PTPRD: variants seen among roughly 807,000 people sequenced by gnomAD.
PTPRD encodes the protein receptor-type tyrosine-protein phosphatase delta.
A neutral mutation model predicts 214.5 loss-of-function variants in PTPRD; 34 were observed. The observed-to-expected ratio is 0.16, with a 90% CI of 0.12 to 0.21. The LOEUF is 0.21. PTPRD is among the 10% of genes least tolerant of loss of function. PTPRD has a pLI of 1.00. For synonymous variants in PTPRD, 1,128 were observed against 845.7 expected, an observed-to-expected ratio of 1.33 and a Z score of -5.79; for missense variants, 2,545 against 2,398.7, an observed-to-expected ratio of 1.06 and a Z score of -1.27.
At chr9:9,305,653 T>A (rs1956898345) in intron 9 of PTPRD, among the ~76,000 whole-genome samples, 1 of 152,128 alleles carries the variant, frequency 6.6e-6, no homozygotes, top group African/African-American at 2.4e-5. Flanking sequence ...GGAGATGTAA[T>A]AAACTTAAAA....
intron 21 of PTPRD, among the ~76,000 whole-genome samples, chr9:8,513,293 TC>T (rs2097717963): frequency 6.6e-6 from 1 of 152,036 alleles, no homozygotes; most frequent in South Asian, 2.1e-4. Flanking sequence ...CAGATCATAT[TC>T]TCATTTTCTG....
chr9:8,867,604 G>A (rs953095627), intron 11 of PTPRD, among the ~76,000 whole-genome samples: 4 of 152,248 alleles, frequency 2.6e-5, no homozygotes, highest in Admixed American at 6.5e-5. Flanking sequence ...GTTCTAAGAC[G>A]ATGGATATCA....
chr9:10,456,186 A>G (rs1275812364), intron 2 of PTPRD, among the ~76,000 whole-genome samples: 1 of 151,932 alleles, frequency 6.6e-6, no homozygotes, highest in East Asian at 1.9e-4. Flanking sequence ...GCAGCAGGAG[A>G]AATAGGAACC....
chr9:9,435,905 C>G (rs1335903738), intron 8 of PTPRD, among the ~76,000 whole-genome samples: 1 of 152,096 alleles, frequency 6.6e-6, no homozygotes, highest in Non-Finnish European at 1.5e-5. Flanking sequence ...AATCAGATGT[C>G]TGGCACAAAA....
At chr9:10,600,097 T>C (rs1180251816) in intron 2 of PTPRD, among the ~76,000 whole-genome samples, 1 of 151,804 alleles carries the variant, frequency 6.6e-6, no homozygotes, top group Non-Finnish European at 1.5e-5. Context: ...TTACTTACTT[T>C]ATTTTACCAC....
At chr9:9,567,408 T>C (rs921014713) in intron 8 of PTPRD, among the ~76,000 whole-genome samples, 3 of 151,942 alleles carry the variant, frequency 2.0e-5, no homozygotes, top group African/African-American at 7.2e-5. Flanking sequence ...TGTACATTTT[T>C]ATACAGAAAT....
chr9:8,498,737 C>G (rs769267155), intron 25 of PTPRD, among the ~76,000 whole-genome samples: 10 of 152,172 alleles, frequency 6.6e-5, no homozygotes, highest in Non-Finnish European at 1.5e-4. Context: ...CATGACATCT[C>G]ATCACCATTT....
chr9:9,803,299 A>G (rs993690321), intron 5 of PTPRD, among the ~76,000 whole-genome samples: 1 of 151,794 alleles, frequency 6.6e-6, no homozygotes, highest in Non-Finnish European at 1.5e-5. Flanking sequence ...GATAATCCTC[A>G]TTGGTAGTAA....
At chr9:9,621,677 G>A (rs1485860738) in intron 7 of PTPRD, among the ~76,000 whole-genome samples, 1 of 152,122 alleles carries the variant, frequency 6.6e-6, no homozygotes, top group South Asian at 2.1e-4. Context: ...ACTATAAGGT[G>A]CAATCTGGTT....
At position 8,500,848 on chromosome 9, in the gene PTPRD, T is replaced by C. The variant is rs2097387708; in HGVS notation, c.2034A>G (p.Glu678=). 1 of 1,614,198 alleles carries C rather than the reference T, an allele frequency of 6.2e-7. No individual in the cohort carries two copies. The highest frequency in any genetic ancestry group is 8.5e-7 in the Non-Finnish European group (1 of 1,180,024). The stretch of plus-strand genomic sequence containing the variant: ...CAGTGATCCGGTATTCAGTCCATTT[T>C]TCCAGCTGTTCCAAAAGGTATTTGG... ...DTTKYLLEQL[E]KWTEYRITVT... Residue 678 remains glutamate (E), a synonymous_variant, in exon 24 of 46, where the codon GAA becomes GAG. Coordinates refer to ENST00000381196, the MANE Select transcript of PTPRD (RefSeq NM_002839.4).
intron 11 of PTPRD, among the ~76,000 whole-genome samples, chr9:8,754,838 A>C (rs1359674885): frequency 1.3e-5 from 2 of 152,238 alleles, no homozygotes; most frequent in Non-Finnish European, 2.9e-5. Flanking sequence ...ACAGCCCTGA[A>C]GCTATCCATT....
At chr9:10,584,669 T>C (rs2073309863) in intron 2 of PTPRD, among the ~76,000 whole-genome samples, 1 of 152,192 alleles carries the variant, frequency 6.6e-6, no homozygotes, top group Non-Finnish European at 1.5e-5. Flanking sequence ...TTTGTGTCAC[T>C]CAATTGAATA....
intron 7 of PTPRD, among the ~76,000 whole-genome samples, chr9:9,598,195 G>A (rs188901766): frequency 5.8e-4 from 88 of 152,106 alleles, no homozygotes; most frequent in Non-Finnish European, 7.8e-4. Context: ...GAGTAAAGGG[G>A]TTGCCAATGA....
intron 12 of PTPRD, among the ~76,000 whole-genome samples, chr9:8,727,397 T>C (rs557049480): frequency 6.6e-6 from 1 of 152,308 alleles, no homozygotes; most frequent in Admixed American, 6.5e-5. Context: ...CTGGAATACT[T>C]TCCTTGCTTC....
At chr9:9,299,919 A>G (rs1201344366) in intron 9 of PTPRD, among the ~76,000 whole-genome samples, 6 of 150,582 alleles carry the variant, frequency 4.0e-5, no homozygotes, top group Non-Finnish European at 8.9e-5. Flanking sequence ...TTTTTACTCT[A>G]CGTGACAGCT....
intron 5 of PTPRD, among the ~76,000 whole-genome samples, chr9:9,856,344 C>T (rs1413278122): frequency 1.3e-5 from 2 of 152,206 alleles, no homozygotes; most frequent in Non-Finnish European, 2.9e-5. Context: ...GATAGAAGTT[C>T]TCACTTTGAG....
chr9:9,829,778 T>C (rs1565585038), intron 5 of PTPRD, among the ~76,000 whole-genome samples: 1 of 151,886 alleles, frequency 6.6e-6, no homozygotes, highest in Non-Finnish European at 1.5e-5. Flanking sequence ...GAAATTACTT[T>C]CAACTATAGA....
intron 2 of PTPRD, among the ~76,000 whole-genome samples, chr9:10,404,295 A>G (rs1185548772): frequency 6.6e-6 from 1 of 151,748 alleles, no homozygotes; most frequent in African/African-American, 2.4e-5. Flanking sequence ...AAGCCTCTGC[A>G]TTTTCTTTGT....
chr9:10,605,282 A>T (rs1004637839), intron 2 of PTPRD, among the ~76,000 whole-genome samples: 2 of 151,898 alleles, frequency 1.3e-5, no homozygotes, highest in Non-Finnish European at 2.9e-5. Context: ...ATAGCTGAAA[A>T]TAACATGAGT....
Sources: gnomAD v4.1 joint callset for allele counts (sites outside exome capture counted in the v4.1 genomes callset) on GRCh38, gnomAD v4.1.1 for gene constraint, MANE v1.5 for transcripts, NCBI Gene and HGNC (gene_info 2026-07-23, HGNC 2026-07-21) for gene names.